The following FKTN variants were observed in gnomAD, a reference collection of about 807,000 sequenced individuals.
The protein encoded by FKTN is ribitol-5-phosphate transferase FKTN.
A neutral mutation model predicts 58.6 loss-of-function variants in FKTN; 47 were observed. The ratio of observed to expected loss-of-function variants is 0.80; its 90% CI spans 0.63 to 1.02. The LOEUF (loss-of-function observed/expected upper bound fraction) is 1.02, where lower values mean the gene tolerates loss of function less well. FKTN is among the 50% of genes least tolerant of loss of function. The pLI, the probability that FKTN is intolerant of heterozygous loss-of-function variation, is 0.00. For synonymous variants in FKTN, 178 were observed against 191.9 expected (o/e 0.93, Z 0.60); for missense variants, 516 against 537.3 (o/e 0.96, Z 0.39).
At chr9:105,589,459 G>A (rs145568014) in intron 3 of FKTN, among the ~76,000 whole-genome samples, 2,422 of 151,298 alleles carry the variant, frequency 0.016, 87 homozygotes, top group African/African-American at 0.056. Context: ...CCAAAATCAC[G>A]CCAGTGCACT....
intron 6 of FKTN, among the ~76,000 whole-genome samples, chr9:105,607,299 A>C (rs1442092625): frequency 6.6e-6 from 1 of 152,092 alleles, no homozygotes; most frequent in Non-Finnish European, 1.5e-5. Flanking sequence ...TTAAGTGTTA[A>C]AAACATTTAC....
Position 105,615,267 on chromosome 9 carries a change from T to C in FKTN, c.781-11T>C. 2 of 1,613,604 alleles carry C rather than the reference T, an allele frequency of 1.2e-6. No individual in the cohort carries two copies. The highest frequency in any genetic ancestry group is 8.5e-7 in the Non-Finnish European group (1 of 1,179,516). ...ATGGCTGTAATAGCTGACTATTTAT[T>C]ATATCTGTAGCAGTACCTTGATGAT... is the stretch of plus-strand genomic sequence containing the variant. On this transcript the variant is annotated splice_polypyrimidine_tract_variant and intron_variant, in intron 7 of 10. Transcript: ENST00000357998.
At chr9:105,565,821 T>A (rs1467836891) in intron 1 of FKTN, among the ~76,000 whole-genome samples, 1 of 152,150 alleles carries the variant, frequency 6.6e-6, no homozygotes, top group Admixed American at 6.6e-5. Flanking sequence ...TATAGAACTC[T>A]CCACCCCAAA....
intron 5 of FKTN, among the ~76,000 whole-genome samples, chr9:105,603,482 T>G (rs796068852): frequency 6.6e-6 from 1 of 152,218 alleles, no homozygotes; most frequent in African/African-American, 2.4e-5. Flanking sequence ...GGATGTAAAC[T>G]ATGAGATGAA....
At chr9:105,569,934 G>A (rs1227331570) in intron 1 of FKTN, among the ~76,000 whole-genome samples, 2 of 152,042 alleles carry the variant, frequency 1.3e-5, no homozygotes, top group East Asian at 1.9e-4. Context: ...CTAAGTGTAA[G>A]TAAGGAAATG....
intron 3 of FKTN, among the ~76,000 whole-genome samples, chr9:105,578,536 G>A (rs2132110804): frequency 6.8e-6 from 1 of 146,584 alleles, no homozygotes; most frequent in South Asian, 2.2e-4. Context: ...GATCATGGTG[G>A]ATAAGCTTTT....
At chr9:105,580,959 C>G (rs1335216698) in intron 3 of FKTN, among the ~76,000 whole-genome samples, 2 of 126,454 alleles carry the variant, frequency 1.6e-5, no homozygotes, top group African/African-American at 6.8e-5. Flanking sequence ...TTGATCGCAT[C>G]GGCTCCTGAG....
At chr9:105,566,392 T>A (rs1359630933) in intron 1 of FKTN, among the ~76,000 whole-genome samples, 1 of 151,964 alleles carries the variant, frequency 6.6e-6, no homozygotes. Flanking sequence ...ACAAAATTGA[T>A]AGACCACTAG....
intron 8 of FKTN, among the ~76,000 whole-genome samples, chr9:105,615,915 T>C (rs891358104): frequency 4.6e-5 from 7 of 152,242 alleles, no homozygotes; most frequent in African/African-American, 1.7e-4. Context: ...CTTATTTTAC[T>C]GTACTCACTG....
At chr9:105,575,201 C>T in intron 3 of FKTN, 64 bp downstream of exon 3, 1 of 944,470 alleles carries the variant, frequency 1.1e-6, no homozygotes, top group Non-Finnish European at 1.7e-6. Context: ...TCTGATCACA[C>T]TTCTCTTTGC....
intron 3 of FKTN, among the ~76,000 whole-genome samples, chr9:105,594,286 AT>A (rs1826336921): frequency 6.6e-6 from 1 of 152,188 alleles, no homozygotes; most frequent in Non-Finnish European, 1.5e-5. Flanking sequence ...TTATTTTCAA[AT>A]TTCTTTTTTC....
At chr9:105,615,907 T>G (rs1051274150) in intron 8 of FKTN, among the ~76,000 whole-genome samples, 1 of 152,216 alleles carries the variant, frequency 6.6e-6, no homozygotes, top group Non-Finnish European at 1.5e-5. Flanking sequence ...CAGAGTATCT[T>G]ATTTTACTGT....
At chr9:105,604,084 A>G in intron 5 of FKTN, 131 bp from the exon 6 acceptor site, 1 of 882,756 alleles carries the variant, frequency 1.1e-6, no homozygotes, top group South Asian at 1.4e-5. Flanking sequence ...ATGTTCTTAC[A>G]GAGCAGATTA....
intron 10 of FKTN, among the ~76,000 whole-genome samples, chr9:105,630,173 A>C (rs1231619167): frequency 1.3e-5 from 2 of 152,188 alleles, no homozygotes; most frequent in Non-Finnish European, 2.9e-5. Context: ...CACGTTGTGC[A>C]CATGTACCCT....
At chr9:105,592,420 C>G (rs1025043276) in intron 3 of FKTN, among the ~76,000 whole-genome samples, 6 of 152,040 alleles carry the variant, frequency 3.9e-5, no homozygotes, top group African/African-American at 1.4e-4. Context: ...GGGTGGATCA[C>G]AAGGTCAGGA....
chr9:105,576,684 G>A (rs2132055544), intron 3 of FKTN, among the ~76,000 whole-genome samples: 1 of 102,310 alleles, frequency 9.8e-6, no homozygotes, highest in Non-Finnish European at 1.9e-5. Context: ...TATATACCCA[G>A]TAATGGGATG....
At chr9:105,610,966 A>G (rs1261961741) in intron 7 of FKTN, among the ~76,000 whole-genome samples, 1 of 152,126 alleles carries the variant, frequency 6.6e-6, no homozygotes. Flanking sequence ...CCATCACAAG[A>G]TAATTAATGA....
intron 10 of FKTN, among the ~76,000 whole-genome samples, chr9:105,625,239 G>T (rs557964857): frequency 6.6e-6 from 1 of 152,302 alleles, no homozygotes; most frequent in Non-Finnish European, 1.5e-5. Context: ...AAAGAGTACT[G>T]ATTCTTTGGA....
chr9:105,585,084 T>C (rs1250834662), intron 3 of FKTN, among the ~76,000 whole-genome samples: 4 of 151,940 alleles, frequency 2.6e-5, no homozygotes, highest in Non-Finnish European at 5.9e-5. Flanking sequence ...ATACTGTCTG[T>C]AAGGAATACA....
Sources: gnomAD v4.1 joint callset for allele counts (sites outside exome capture counted in the v4.1 genomes callset) on GRCh38, gnomAD v4.1.1 for gene constraint, MANE v1.5 for transcripts, NCBI Gene and HGNC (gene_info 2026-07-23, HGNC 2026-07-21) for gene names.